The following NRDE2 variants were observed in gnomAD, a reference collection of about 807,000 sequenced individuals.
NRDE2 encodes the protein nuclear exosome regulator NRDE2.
NRDE2 carries 76 observed loss-of-function variants against 124.2 expected under a neutral mutation model. The ratio of observed to expected loss-of-function variants is 0.61; its 90% confidence interval spans 0.51 to 0.74. The LOEUF (loss-of-function observed/expected upper bound fraction) is 0.74, where lower values mean the gene tolerates loss of function less well. Ranked by LOEUF, NRDE2 falls within the 30% of genes least tolerant of loss-of-function variation. The pLI is 0.00. For missense variants in NRDE2, 1,314 were observed against 1,417.3 expected (o/e 0.93, Z 1.17); for synonymous variants, 489 against 528.1 (o/e 0.93, Z 1.01).
chr14:90,316,858 G>T, intron 2 of NRDE2, 47 bp from the exon 3 acceptor site: 1 of 1,210,942 alleles, frequency 8.3e-7, no homozygotes. Context: ...AAAGATGTAG[G>T]AAAAATAATA....
chr14:90,271,174 A>T lies in NRDE2; in HGVS notation c.*7162T>A, dbSNP rs1389610035. ...ACCTGTTTGCTTTTTCTCTTTCTAT[A>T]CACAAAACTTTCTTTTCACCCGAAC... On this transcript the variant is annotated 3_prime_UTR_variant, in exon 14 of 14. Transcript: ENST00000354366. 6.6e-6 allele frequency: 1 copy of T among 152,192 alleles called. No homozygotes were observed. Among genetic ancestry groups the T allele is most frequent in the Non-Finnish European group, 1.5e-5 (1 of 68,036 alleles). 9.4% of individuals were successfully genotyped at this position (152,192 alleles called of 1,614,324 possible).
chr14:90,268,429 C>T lies in NRDE2; in HGVS notation c.*9907G>A, dbSNP rs749973559. 2 of 1,612,660 alleles carry T rather than the reference C, an allele frequency of 1.2e-6. No homozygotes were observed. Among genetic ancestry groups the T allele is most frequent in the East Asian group, 2.2e-5 (1 of 44,882 alleles). On this transcript the variant is annotated 3_prime_UTR_variant, in exon 14 of 14. Coordinates refer to ENST00000354366, the MANE Select transcript of NRDE2 (RefSeq NM_017970.4). ...GGACAAAAAGGTAGACTTTCTCATA[C>T]TTATTTTGCCTTGTTTAGTAGGGAA...
At chr14:90,290,118 G>T in intron 10 of NRDE2, 103 bp downstream of exon 10, 1 of 1,254,170 alleles carries the variant, frequency 8.0e-7, no homozygotes, top group Non-Finnish European at 1.1e-6. Context: ...GGAGGTGCTG[G>T]GGCATAGTTC....
At chr14:90,290,186 A>G (rs142501483) in intron 10 of NRDE2, 35 bp downstream of exon 10, 2 of 1,594,998 alleles carry the variant, frequency 1.3e-6, no homozygotes, top group African/African-American at 1.3e-5. Context: ...TGAAATGAAA[A>G]GTCCCCAAAC....
At chr14:90,315,231 T>C (rs1294237031) in intron 3 of NRDE2, among the ~76,000 whole-genome samples, 2 of 94,216 alleles carry the variant, frequency 2.1e-5, no homozygotes, top group African/African-American at 8.4e-5. Context: ...ATTAGCTGGG[T>C]GTGGTGATGC....
chr14:90,272,328 C>T lies in NRDE2; in HGVS notation c.*6008G>A. On this transcript the variant is annotated 3_prime_UTR_variant, in exon 14 of 14. Transcript: ENST00000354366. This position sits in a 1 kb window ranked among gnomAD's most constrained non-coding sequence, Gnocchi z 4.5. ...TTAAGAGAACGTAGAATGAAAGTAA[C>T]AAATGAAGACTTCAAAAAATCTAAA... 3 of 1,604,724 alleles carry T rather than the reference C, an allele frequency of 1.9e-6. No homozygotes were observed. The highest frequency in any genetic ancestry group is 2.5e-6 in the Non-Finnish European group (3 of 1,178,076).
chr14:90,311,224 TTATCTGTAAAC>T (rs771003048), intron 4 of NRDE2, among the ~76,000 whole-genome samples: 1 of 152,224 alleles, frequency 6.6e-6, no homozygotes, highest in Non-Finnish European at 1.5e-5. Context: ...TCAATTCTCA[TTATCTGTAAAC>T]TATCTGGGAA....
At position 90,276,671 on chromosome 14, in the gene NRDE2, G is replaced by A. The variant is rs967023738; in HGVS notation, c.*1665C>T. The A allele has an allele frequency of 2.6e-5, 4 of 152,134 alleles. No individual in the cohort carries two copies. The highest frequency in any genetic ancestry group is 7.2e-5 in the African/African-American group (3 of 41,428). 9.4% of individuals were successfully genotyped at this position (152,134 alleles called of 1,614,324 possible). On this transcript the variant is annotated 3_prime_UTR_variant, in exon 14 of 14. Coordinates refer to ENST00000354366, the MANE Select transcript of NRDE2 (RefSeq NM_017970.4). ...CGAGCAGCCGCTTTATCCTCTCGGG[G>A]GCTCACTGCCCACTGCTAAGAGCCA...
intron 7 of NRDE2, among the ~76,000 whole-genome samples, chr14:90,299,383 A>G (rs1215945349): frequency 2.4e-5 from 3 of 126,838 alleles, no homozygotes; most frequent in Non-Finnish European, 5.0e-5. Context: ...CCCCATTAGC[A>G]CCTCCCTCAT....
chr14:90,327,502 T>C (rs143049582), intron 1 of NRDE2, among the ~76,000 whole-genome samples: 3 of 151,942 alleles, frequency 2.0e-5, no homozygotes, highest in East Asian at 3.9e-4. Flanking sequence ...TGAGCTGTGA[T>C]TGCGCCACTA....
chr14:90,269,929 G>T lies in NRDE2; in HGVS notation c.*8407C>A. 1 of 446,978 alleles carries T rather than the reference G, an allele frequency of 2.2e-6. No homozygotes were observed. Among genetic ancestry groups the T allele is most frequent in the Non-Finnish European group, 4.0e-6 (1 of 253,066 alleles). The allele number at this position is 446,978 out of a possible 1,614,324, so 27.7% of individuals were successfully genotyped here. A position where few individuals can be genotyped will look rare whatever the true frequency, so the allele number is the denominator to read the frequency against. On this transcript the variant is annotated 3_prime_UTR_variant, in exon 14 of 14. Coordinates refer to ENST00000354366, the MANE Select transcript of NRDE2 (RefSeq NM_017970.4). The stretch of plus-strand genomic sequence containing the variant: ...CTTTTGTAATGTTTTTAACACAATA[G>T]GTCTGCCCAGTTTCACTCAGGAATT...
At chr14:90,285,925 G>A (rs1264069686) in intron 12 of NRDE2, among the ~76,000 whole-genome samples, 2 of 152,160 alleles carry the variant, frequency 1.3e-5, no homozygotes, top group African/African-American at 4.8e-5. Flanking sequence ...CTGAACCACG[G>A]CACCCAACCT....
In NRDE2 at chr14:90,288,494, T is replaced by C. The variant is rs748949628; in HGVS notation, c.2881A>G (p.Ile961Val). The C allele has an allele frequency of 1.2e-5, 20 of 1,614,088 alleles. No homozygotes were observed. Among genetic ancestry groups the C allele is most frequent in the Middle Eastern group, 1.6e-4 (1 of 6,084 alleles). The change falls in exon 11 of 14, where the codon ATC becomes GTC. Residue 961 changes from isoleucine (I) to valine (V), a missense_variant. By Grantham distance (29) the Ile-to-Val change is conservative. Coordinates refer to ENST00000354366, the MANE Select transcript of NRDE2 (RefSeq NM_017970.4). ...SQSWTSVLEAITLMHTSLLRF... is the reference protein window; with the variant it reads ...SQSWTSVLEAVTLMHTSLLRF... ...AGCAGGCTCGTGTGCATCAGTGTGA[T>C]GGCTTCGAGAACACTGGTCCAACTC...
intron 11 of NRDE2, 113 bp from the exon 12 acceptor site, chr14:90,286,605 C>T: frequency 7.5e-7 from 1 of 1,324,986 alleles, no homozygotes; most frequent in South Asian, 1.5e-5. Context: ...CAGACAGACT[C>T]AGGGGAGAAC....
chr14:90,284,287 T>C (rs1398073939), intron 12 of NRDE2, among the ~76,000 whole-genome samples: 1 of 152,170 alleles, frequency 6.6e-6, no homozygotes, highest in African/African-American at 2.4e-5. Flanking sequence ...GAATTTATCC[T>C]ATGGAAATCT....
intron 7 of NRDE2, among the ~76,000 whole-genome samples, 159 bp from the exon 8 acceptor site, chr14:90,298,539 G>C (rs914562467): frequency 6.6e-6 from 1 of 152,156 alleles, no homozygotes; most frequent in Admixed American, 6.5e-5. Flanking sequence ...CCCCAAGATA[G>C]AAAAAAGATC....
At chr14:90,327,365 T>C (rs1885478811) in intron 1 of NRDE2, among the ~76,000 whole-genome samples, 1 of 151,980 alleles carries the variant, frequency 6.6e-6, no homozygotes, top group African/African-American at 2.4e-5. Flanking sequence ...GCTTGACCAA[T>C]GTAGCAAGAC....
intron 1 of NRDE2, among the ~76,000 whole-genome samples, chr14:90,320,482 T>G (rs984829682): frequency 6.6e-6 from 1 of 152,168 alleles, no homozygotes; most frequent in African/African-American, 2.4e-5. Flanking sequence ...CACATGGGGA[T>G]TATAGGGATT....
intron 8 of NRDE2, 104 bp from the exon 9 acceptor site, chr14:90,292,976 A>G: frequency 9.8e-7 from 1 of 1,015,400 alleles, no homozygotes. Context: ...CAATGCCAAG[A>G]TGTGTAAGAG....
Sources: gnomAD v4.1 joint callset for allele counts (sites outside exome capture counted in the v4.1 genomes callset) on GRCh38, gnomAD v4.1.1 for gene constraint, Gnocchi (gnomAD v3.1) non-coding constraint, MANE v1.5 for transcripts, NCBI Gene and HGNC (gene_info 2026-07-23, HGNC 2026-07-21) for gene names.